The following INTS7 variants were observed in gnomAD, a reference collection of about 807,000 sequenced individuals.
The protein encoded by INTS7 is integrator complex subunit 7, also known as chromosome 1 open reading frame 73.
Under a neutral mutation model 109.2 loss-of-function variants are expected in INTS7, and 46 were observed. The observed-to-expected ratio is 0.42, with a 90% CI of 0.33 to 0.54. The LOEUF is 0.54. Among genes scored for constraint, INTS7 ranks in the 20% least tolerant of loss-of-function variants. The pLI is 0.07. For synonymous variants in INTS7, 412 were observed against 402.9 expected, an observed-to-expected ratio of 1.02 and a Z score of -0.27; for missense variants, 929 against 1,132.4, an observed-to-expected ratio of 0.82 and a Z score of 2.58.
At chr1:211,966,339 G>T in intron 16 of INTS7, 91 bp downstream of exon 16, 1 of 736,534 alleles carries the variant, frequency 1.4e-6, no homozygotes, top group Non-Finnish European at 2.3e-6. Flanking sequence ...TACTTCCATA[G>T]TACTAGCTCC....
At chr1:212,000,760 C>CA (rs577586329) in intron 7 of INTS7, among the ~76,000 whole-genome samples, 9 of 151,782 alleles carry the variant, frequency 5.9e-5, no homozygotes, top group South Asian at 2.1e-4. Context: ...AAACAAAACC[C>CA]AAAAAAAATC....
chr1:212,014,465 CAAAAAA>C (rs1165612101), intron 4 of INTS7, among the ~76,000 whole-genome samples: 1,651 of 27,984 alleles, frequency 0.059, 6 homozygotes, highest in African/African-American at 0.071. Context: ...AACTCCATCT[CAAAAAA>C]AAAAAAAAAA....
rs536198047 is a variant in INTS7 at position 211,942,924 on chromosome 1, C to T, written c.2602-813G>A. Reference sequence around the variant, plus strand: ...GACCAAATTACTCTAGGTTTATGTGCGTGTTTCTGTGGTGTAATTAATTAT... The same window carrying T: ...GACCAAATTACTCTAGGTTTATGTGTGTGTTTCTGTGGTGTAATTAATTAT... On this transcript the variant is annotated intron_variant, in intron 19 of 19. Transcript: ENST00000366994. This position sits in a 1 kb window ranked among gnomAD's most constrained non-coding sequence, Gnocchi z 4.2. 3.9e-5 allele frequency among the ~76,000 whole-genome samples: 6 copies of T among 152,160 alleles called. No individual in the cohort carries two copies. The highest frequency in any genetic ancestry group is 2.1e-4 in the South Asian group (1 of 4,816).
intron 16 of INTS7, among the ~76,000 whole-genome samples, chr1:211,957,886 T>A (rs1165182682): frequency 6.6e-6 from 1 of 152,066 alleles, no homozygotes; most frequent in Non-Finnish European, 1.5e-5. Flanking sequence ...TCTTGGTGGC[T>A]GCTCTAGAGT....
intron 1 of INTS7, among the ~76,000 whole-genome samples, chr1:212,023,020 T>C (rs1032188846): frequency 3.3e-5 from 5 of 152,240 alleles, no homozygotes; most frequent in African/African-American, 7.2e-5. Context: ...TTTCTGTTCC[T>C]ACATTAATCT....
intron 17 of INTS7, among the ~76,000 whole-genome samples, chr1:211,951,610 T>C (rs1478469472): frequency 2.0e-5 from 3 of 151,936 alleles, no homozygotes; most frequent in South Asian, 2.1e-4. Context: ...CCGGCCAGGA[T>C]GAGTGTTCTT....
intron 8 of INTS7, among the ~76,000 whole-genome samples, chr1:211,984,453 A>AC (rs911309939): frequency 7.7e-4 from 117 of 152,250 alleles, no homozygotes; most frequent in African/African-American, 2.7e-3. Flanking sequence ...TATTTCTTTT[A>AC]AATCTTTTTC....
Position 211,986,918 on chromosome 1 carries a change from CA to C in INTS7, c.997+967del, listed in dbSNP as rs1218785346. Among the ~76,000 whole-genome samples the C allele has an allele frequency of 1.5e-4, 23 of 152,278 alleles. No homozygotes were observed. The East Asian group carries it at 4.2e-3, about 28-fold the overall frequency. ...ATATACTATGCGGCCATAAAAGGGA[CA>C]AACAAATGTACATTACAGTTCTTTA... On this transcript the variant is annotated intron_variant, in intron 8 of 19. Transcript: ENST00000366994.
chr1:212,008,155 C>T (rs1038123123), intron 5 of INTS7, among the ~76,000 whole-genome samples: 1 of 152,204 alleles, frequency 6.6e-6, no homozygotes, highest in African/African-American at 2.4e-5. Flanking sequence ...GAACGTAAGA[C>T]AGCATTTCAA....
Position 212,007,329 on chromosome 1 carries a change from G to A in INTS7, c.677C>T (p.Pro226Leu), listed in dbSNP as rs780101220. The change falls in exon 6 of 20, where the codon CCG (proline) becomes CTG (leucine). Residue 226 changes from proline (P) to leucine (L), a missense_variant. Transcript: ENST00000366994. The part of the protein sequence containing the change: ...QLLQQLVTSY[P>L]STKMVIVSLH... ...AGACACAATCACCATTTTGGTGGAC[G>A]GATAGGATGTGACCAGCTGTTGTAA... is the stretch of plus-strand genomic sequence containing the variant. 7.4e-6 allele frequency: 12 copies of A among 1,613,800 alleles called. No homozygotes were observed. The highest frequency in any genetic ancestry group is 1.6e-4 in the Middle Eastern group (1 of 6,082).
intron 7 of INTS7, among the ~76,000 whole-genome samples, chr1:212,005,493 TA>T (rs1665862588): frequency 6.6e-6 from 1 of 152,244 alleles, no homozygotes; most frequent in Admixed American, 6.5e-5. Context: ...TTTTCTCACT[TA>T]AAGGTATTTA....
intron 13 of INTS7, among the ~76,000 whole-genome samples, chr1:211,972,162 A>G (rs548762345): frequency 6.6e-6 from 1 of 152,166 alleles, no homozygotes; most frequent in Admixed American, 6.5e-5. Flanking sequence ...GTAATGTCCT[A>G]TTTTCTAACT....
chr1:212,006,787 A>G (rs1283480393), intron 6 of INTS7, 26 bp from the exon 7 acceptor site: 1 of 1,563,164 alleles, frequency 6.4e-7, no homozygotes, highest in African/African-American at 1.4e-5. Flanking sequence ...GTCACTCCAT[A>G]AACAATACTG....
At chr1:212,003,271 A>G (rs74673126) in intron 7 of INTS7, among the ~76,000 whole-genome samples, 1 of 151,682 alleles carries the variant, frequency 6.6e-6, no homozygotes, top group Non-Finnish European at 1.5e-5. Flanking sequence ...TAGTGAAACT[A>G]CAGAAAATCA....
chr1:211,950,307 T>G (rs1223998400), intron 17 of INTS7, among the ~76,000 whole-genome samples: 1 of 152,222 alleles, frequency 6.6e-6, no homozygotes, highest in Non-Finnish European at 1.5e-5. Flanking sequence ...GTTTCACTCT[T>G]GTCACCCAGG....
At chr1:212,033,107 A>T (rs376438524) in intron 1 of INTS7, among the ~76,000 whole-genome samples, 2 of 152,224 alleles carry the variant, frequency 1.3e-5, no homozygotes, top group Non-Finnish European at 2.9e-5. Flanking sequence ...CCTAGTACAA[A>T]GCCCGATCAA....
intron 4 of INTS7, among the ~76,000 whole-genome samples, chr1:212,014,465 CAAAAAAA>C (rs1165612101): frequency 1.1e-4 from 3 of 28,122 alleles, no homozygotes; most frequent in Admixed American, 5.1e-4. Context: ...AACTCCATCT[CAAAAAAA>C]AAAAAAAAAA....
rs1663502262 is a variant in INTS7, at chr1:211,959,220, C to A, written c.2184-6519G>T. Among the ~76,000 whole-genome samples the A allele has an allele frequency of 6.6e-6, 1 of 152,152 alleles. No homozygotes were observed. Among genetic ancestry groups the A allele is most frequent in the Non-Finnish European group, 1.5e-5 (1 of 68,020 alleles). On this transcript the variant is annotated intron_variant, in intron 16 of 19. Transcript: ENST00000366994. This position sits in a 1 kb window ranked among gnomAD's most constrained non-coding sequence, Gnocchi z 4.2. The stretch of plus-strand genomic sequence containing the variant: ...GTGGAATACGGCCAGGGGCAGCCAT[C>A]CCTCTAGGCTTAACTTGCTGACTTG...
At chr1:212,016,290 G>A (rs1666440598) in intron 4 of INTS7, among the ~76,000 whole-genome samples, 1 of 152,164 alleles carries the variant, frequency 6.6e-6, no homozygotes, top group Non-Finnish European at 1.5e-5. Context: ...ATGCACCCCA[G>A]AAGGCAATGC....
Sources: allele counts gnomAD v4.1 joint callset (sites outside exome capture counted in the v4.1 genomes callset), GRCh38; gene constraint gnomAD v4.1.1; non-coding constraint Gnocchi (gnomAD v3.1); transcripts MANE v1.5; gene names NCBI Gene and HGNC (gene_info 2026-07-23, HGNC 2026-07-21).